Variants in CACNA1D observed in about 807,000 individuals in gnomAD.
CACNA1D encodes calcium voltage-gated channel subunit alpha1 D, also known as voltage-dependent L-type calcium channel subunit alpha-1D.
Under a neutral mutation model 257.1 loss-of-function variants are expected in CACNA1D, and 55 were observed. The observed-to-expected ratio is 0.21, with a 90% CI of 0.17 to 0.27. The LOEUF is 0.27. Among genes scored for constraint, CACNA1D ranks in the 10% least tolerant of loss-of-function variants. The pLI, the probability that CACNA1D is intolerant of heterozygous loss-of-function variation, is 1.00. For missense variants in CACNA1D, 1,876 were observed against 2,784.0 expected, an observed-to-expected ratio of 0.67 and a Z score of 7.34; for synonymous variants, 980 against 1,014.9, an observed-to-expected ratio of 0.97 and a Z score of 0.65.
At chr3:53,640,837 G>T (rs751013203) in intron 3 of CACNA1D, among the ~76,000 whole-genome samples, 1 of 152,148 alleles carries the variant, frequency 6.6e-6, no homozygotes, top group Non-Finnish European at 1.5e-5. Flanking sequence ...AAAGAGTGCC[G>T]TCTGATGACC....
At position 53,701,972 on chromosome 3, in the gene CACNA1D, TAAG is replaced by T. The variant is rs2094629971; in HGVS notation, c.1221-666_1221-664del. On this transcript the variant is annotated intron_variant, in intron 8 of 47. Coordinates refer to ENST00000350061, the MANE Select transcript of CACNA1D (RefSeq NM_001128840.3). ...GAAGACCATGACAAGTAGCAGGGGTTAAGAAAAACAGTAATGCTTCATCAGTGC... is the reference window on the plus strand; with the variant it reads ...GAAGACCATGACAAGTAGCAGGGGTTAAAAACAGTAATGCTTCATCAGTGC... 2.0e-5 allele frequency among the ~76,000 whole-genome samples: 3 copies of T among 152,008 alleles called. No individual in the cohort carries two copies. In the South Asian group the frequency reaches 6.2e-4, roughly 32 times the overall value.
At chr3:53,537,599 A>G (rs1224157586) in intron 3 of CACNA1D, among the ~76,000 whole-genome samples, 6 of 152,224 alleles carry the variant, frequency 3.9e-5, no homozygotes, top group African/African-American at 9.6e-5. Flanking sequence ...AGTATTACCT[A>G]TAATTGTCTC....
intron 12 of CACNA1D, 136 bp downstream of exon 12, chr3:53,722,610 TC>T: frequency 1.1e-6 from 1 of 921,866 alleles, no homozygotes; most frequent in Non-Finnish European, 1.8e-6. Context: ...GGTAGAACCA[TC>T]CAGACACAGC....
chr3:53,715,283 ATATT>A (rs2094806297), intron 9 of CACNA1D, among the ~76,000 whole-genome samples: 1 of 152,094 alleles, frequency 6.6e-6, no homozygotes. Context: ...TTTTTGGGAT[ATATT>A]TATTTATTAT....
At chr3:53,742,930 T>C in intron 21 of CACNA1D, 81 bp from the exon 22 acceptor site, 2 of 864,782 alleles carry the variant, frequency 2.3e-6, no homozygotes, top group East Asian at 2.4e-5. Flanking sequence ...AGTTATACTT[T>C]CCTCAAGATT....
At chr3:53,739,138 A>C (rs2680652) in intron 20 of CACNA1D, among the ~76,000 whole-genome samples, 127,841 of 152,194 alleles carry the variant, frequency 0.84, 53,765 homozygotes, top group East Asian at 0.91. Flanking sequence ...TCCTCTACCT[A>C]CAACAGCTCA....
intron 3 of CACNA1D, among the ~76,000 whole-genome samples, chr3:53,642,300 C>T (rs142358032): frequency 1.1e-3 from 162 of 152,316 alleles, no homozygotes; most frequent in Middle Eastern, 3.4e-3. Context: ...AGGGCTGAAT[C>T]CAGCCAACAA....
chr3:53,708,726 A>G (rs1475166856), intron 9 of CACNA1D, among the ~76,000 whole-genome samples: 1 of 152,228 alleles, frequency 6.6e-6, no homozygotes, highest in Non-Finnish European at 1.5e-5. Context: ...ATTTGCCTAC[A>G]TAAAAAATTC....
At chr3:53,808,559 G>A in intron 45 of CACNA1D, 90 bp from the exon 46 acceptor site, 1 of 1,511,622 alleles carries the variant, frequency 6.6e-7, no homozygotes, top group Non-Finnish European at 9.1e-7. Context: ...TGGGCTCGTT[G>A]CTGAGCATCC....
intron 3 of CACNA1D, among the ~76,000 whole-genome samples, chr3:53,612,031 T>C (rs2107965519): frequency 6.6e-6 from 1 of 152,356 alleles, no homozygotes; most frequent in East Asian, 1.9e-4. Flanking sequence ...TTTTTAATTT[T>C]AAACATCTTC....
intron 3 of CACNA1D, among the ~76,000 whole-genome samples, chr3:53,598,807 G>A (rs1379940520): frequency 2.0e-5 from 3 of 152,162 alleles, no homozygotes; most frequent in East Asian, 1.9e-4. Context: ...CTGGCAAAGC[G>A]GGATGTGCCC....
At chr3:53,703,423 A>C (rs932089758) in intron 9 of CACNA1D, among the ~76,000 whole-genome samples, 2 of 152,356 alleles carry the variant, frequency 1.3e-5, no homozygotes, top group East Asian at 3.9e-4. Flanking sequence ...CACCTTCTGC[A>C]GGAGGCAAGG....
At chr3:53,627,650 T>G (rs1172904589) in intron 3 of CACNA1D, among the ~76,000 whole-genome samples, 1 of 149,308 alleles carries the variant, frequency 6.7e-6, no homozygotes, top group East Asian at 2.1e-4. Context: ...GATGGTTGAT[T>G]ATAAAGGGCT....
rs117480858 is a variant in CACNA1D, at chr3:53,597,688, C to T, written c.484-53091C>T. 1.8e-4 allele frequency among the ~76,000 whole-genome samples: 28 copies of T among 152,270 alleles called. No homozygotes were observed. In the East Asian group the frequency reaches 4.6e-3, roughly 25 times the overall value. The stretch of plus-strand genomic sequence containing the variant: ...CTGGGAATGAGACGAGGAACACAGA[C>T]GGCACAGGTCGCTTCATGAGTTCCA... On this transcript the variant is annotated intron_variant, in intron 3 of 47. Coordinates refer to ENST00000350061, the MANE Select transcript of CACNA1D (RefSeq NM_001128840.3).
intron 38 of CACNA1D, 115 bp from the exon 39 acceptor site, chr3:53,781,451 C>G (rs562762372): frequency 2.7e-6 from 2 of 735,380 alleles, no homozygotes; most frequent in Non-Finnish European, 5.0e-6. Context: ...GAGTGGAGCC[C>G]CATCAGAGGG....
chr3:53,670,357 T>G (rs2094310666), intron 7 of CACNA1D, among the ~76,000 whole-genome samples: 2 of 152,292 alleles, frequency 1.3e-5, no homozygotes, highest in East Asian at 1.9e-4. Flanking sequence ...TTTTTTACAT[T>G]TTTTTGAGAC....
At chr3:53,582,250 T>G (rs1416063216) in intron 3 of CACNA1D, among the ~76,000 whole-genome samples, 2 of 152,096 alleles carry the variant, frequency 1.3e-5, no homozygotes, top group Non-Finnish European at 2.9e-5. Flanking sequence ...CAGCAAACAT[T>G]TCATGTTTAC....
intron 3 of CACNA1D, among the ~76,000 whole-genome samples, chr3:53,592,118 C>T (rs2093314039): frequency 1.3e-5 from 2 of 152,222 alleles, no homozygotes; most frequent in Admixed American, 6.5e-5. Context: ...ATAGGCAGGG[C>T]TCCTGTTCTG....
At chr3:53,510,004 C>T (rs2091040592) in intron 3 of CACNA1D, among the ~76,000 whole-genome samples, 2 of 152,206 alleles carry the variant, frequency 1.3e-5, no homozygotes, top group Admixed American at 1.3e-4. Context: ...TGTGGCTCCC[C>T]ATGCCTTGTT....
Sources: gnomAD v4.1 joint callset for allele counts (sites outside exome capture counted in the v4.1 genomes callset) on GRCh38, gnomAD v4.1.1 for gene constraint, MANE v1.5 for transcripts, NCBI Gene and HGNC (gene_info 2026-07-23, HGNC 2026-07-21) for gene names.